The following FLACC1 variants were observed in gnomAD, a reference collection of about 807,000 sequenced individuals.
FLACC1 encodes the protein flagellum associated containing coiled-coil domains 1.
In FLACC1, 66 loss-of-function variants were observed where a neutral mutation model predicts 62.8. The observed-to-expected ratio is 1.05, with a 90% confidence interval of 0.86 to 1.29. The LOEUF (loss-of-function observed/expected upper bound fraction) is 1.29. FLACC1 is among the 50% of genes most tolerant of loss of function. The pLI is 0.00. For synonymous variants in FLACC1, 156 were observed against 161.0 expected, an observed-to-expected ratio of 0.97 and a Z score of 0.24; for missense variants, 452 against 489.1, an observed-to-expected ratio of 0.92 and a Z score of 0.71.
intron 9 of FLACC1, among the ~76,000 whole-genome samples, chr2:201,325,684 G>C (rs1950488110): frequency 6.6e-6 from 1 of 152,084 alleles, no homozygotes; most frequent in Non-Finnish European, 1.5e-5. Context: ...TTTCAAAATT[G>C]CCAAGAACAA....
intron 11 of FLACC1, among the ~76,000 whole-genome samples, chr2:201,303,385 A>C (rs560170900): frequency 3.8e-4 from 58 of 152,358 alleles, no homozygotes; most frequent in African/African-American, 1.3e-3. Flanking sequence ...ACCAGGAAGA[A>C]GTTGAATCCG....
At chr2:201,350,052 T>C (rs1452439713) in intron 3 of FLACC1, among the ~76,000 whole-genome samples, 7 of 152,182 alleles carry the variant, frequency 4.6e-5, no homozygotes, top group Non-Finnish European at 1.0e-4. Flanking sequence ...GGGAGATTAT[T>C]TTATTCACAT....
chr2:201,309,869 T>C (rs1385188940), intron 9 of FLACC1, among the ~76,000 whole-genome samples: 1 of 121,746 alleles, frequency 8.2e-6, no homozygotes, highest in Non-Finnish European at 1.6e-5. Flanking sequence ...ATCACGCCAC[T>C]GCACTCCAGC....
In FLACC1 at chr2:201,346,506, G is replaced by C; in HGVS notation, c.368+36C>G. On this transcript the variant is annotated intron_variant, in intron 5 of 14. Transcript: ENST00000392257. The surrounding 1 kb of genome is among the most constrained non-coding windows in gnomAD (Gnocchi z 4.0). ...GGCCGGGCTGAGCTGGGTGGGAGTA[G>C]CCCCAAGCAGCTGCATGTTGCTGCA... 6.2e-7 allele frequency: 1 copy of C among 1,609,398 alleles called. No individual in the cohort carries two copies. The highest frequency in any genetic ancestry group is 8.5e-7 in the Non-Finnish European group (1 of 1,179,478).
chr2:201,298,554 A>G (rs902832445), intron 12 of FLACC1, among the ~76,000 whole-genome samples: 11 of 152,236 alleles, frequency 7.2e-5, no homozygotes, highest in Non-Finnish European at 1.5e-4. Flanking sequence ...CACTGGGTAT[A>G]TCTTCCTCCA....
chr2:201,348,389 C>T lies in FLACC1; in HGVS notation c.186-87G>A, dbSNP rs1950960710. On this transcript the variant is annotated intron_variant, in intron 3 of 14. Transcript: ENST00000392257. Reference sequence around the variant, plus strand: ...AGCTGAACCCTGAGGCCGCCACCATCTGACTTCTGCTCTCTGACCTGACCT... The same window carrying T: ...AGCTGAACCCTGAGGCCGCCACCATTTGACTTCTGCTCTCTGACCTGACCT... The T allele has an allele frequency of 5.9e-6, 8 of 1,360,466 alleles. No homozygotes were observed. The South Asian group carries it at 1.0e-4, about 17-fold the overall frequency. The allele number at this position is 1,360,466 out of a possible 1,614,324, so 84.3% of individuals were successfully genotyped here.
chr2:201,297,739 C>T (rs1949895664), intron 12 of FLACC1, among the ~76,000 whole-genome samples: 1 of 152,206 alleles, frequency 6.6e-6, no homozygotes. Flanking sequence ...TTTGCCTCTT[C>T]AGATTCTCCT....
intron 10 of FLACC1, 29 bp downstream of exon 10, chr2:201,309,122 A>G: frequency 1.9e-6 from 3 of 1,589,620 alleles, no homozygotes; most frequent in Non-Finnish European, 1.7e-6. Context: ...TGCACTTGTC[A>G]TCAAAAAAGC....
Position 201,354,897 on chromosome 2 carries a change from G to A in FLACC1, c.-48+2085C>T, listed in dbSNP as rs149991334. On this transcript the variant is annotated intron_variant, in intron 1 of 14. Transcript: ENST00000392257. ...ACACCTCCACTAAGCCTTGCAAAGT[G>A]GCTTGTCCACAACGGGCATTTGATG... Among the ~76,000 whole-genome samples, 321 of 152,208 alleles carry A rather than the reference G, an allele frequency of 2.1e-3. 2 individuals carry two copies. Among genetic ancestry groups the A allele is most frequent in the African/African-American group, 7.3e-3 (303 of 41,526 alleles).
intron 9 of FLACC1, among the ~76,000 whole-genome samples, chr2:201,316,594 A>T (rs965515178): frequency 5.9e-5 from 9 of 152,156 alleles, no homozygotes; most frequent in Non-Finnish European, 8.8e-5. Context: ...AAAGTCCAGG[A>T]CTAGATGGAT....
chr2:201,344,528 G>A (rs535346904), intron 5 of FLACC1, among the ~76,000 whole-genome samples: 1 of 152,270 alleles, frequency 6.6e-6, no homozygotes, highest in African/African-American at 2.4e-5. Context: ...GTGCCCTACC[G>A]AATAGAAGGA....
intron 8 of FLACC1, 48 bp from the exon 9 acceptor site, chr2:201,330,570 A>G (rs745986289): frequency 3.1e-6 from 5 of 1,593,920 alleles, no homozygotes; most frequent in Non-Finnish European, 4.3e-6. Flanking sequence ...TCTGATATGC[A>G]CATTTTCAAA....
At chr2:201,320,266 G>A (rs1056206896) in intron 9 of FLACC1, among the ~76,000 whole-genome samples, 6 of 152,258 alleles carry the variant, frequency 3.9e-5, no homozygotes, top group African/African-American at 7.2e-5. Flanking sequence ...CCTTAGGTGC[G>A]GATGAACTCC....
At chr2:201,349,253 C>T (rs982333430) in intron 3 of FLACC1, among the ~76,000 whole-genome samples, 2 of 152,214 alleles carry the variant, frequency 1.3e-5, no homozygotes, top group Non-Finnish European at 2.9e-5. Context: ...AGAGGTCAGA[C>T]ATGCCAAGCA....
At chr2:201,354,990 C>CA (rs1319209444) in intron 1 of FLACC1, among the ~76,000 whole-genome samples, 1 of 152,088 alleles carries the variant, frequency 6.6e-6, no homozygotes, top group Non-Finnish European at 1.5e-5. Flanking sequence ...GGGGCTAGCT[C>CA]AACAAAGAGA....
At chr2:201,310,398 G>C (rs1421212459) in intron 9 of FLACC1, among the ~76,000 whole-genome samples, 1 of 152,138 alleles carries the variant, frequency 6.6e-6, no homozygotes, top group African/African-American at 2.4e-5. Flanking sequence ...CTGACACTTA[G>C]GGGTTTCCTG....
chr2:201,295,187 A>C (rs1196250636), intron 12 of FLACC1, among the ~76,000 whole-genome samples: 3 of 152,178 alleles, frequency 2.0e-5, no homozygotes, highest in Non-Finnish European at 4.4e-5. Flanking sequence ...GGAACCAAAA[A>C]AGAGCCCGCA....
chr2:201,294,312 G>C (rs1178186813), intron 12 of FLACC1, among the ~76,000 whole-genome samples: 1 of 152,124 alleles, frequency 6.6e-6, no homozygotes, highest in Admixed American at 6.5e-5. Context: ...ACATCAAAAA[G>C]CTTATCCACC....
At chr2:201,318,222 T>A (rs1321875356) in intron 9 of FLACC1, among the ~76,000 whole-genome samples, 2 of 151,974 alleles carry the variant, frequency 1.3e-5, no homozygotes, top group Non-Finnish European at 2.9e-5. Flanking sequence ...AAAGCAAATG[T>A]AATAAAAACA....
Sources: allele counts gnomAD v4.1 joint callset (sites outside exome capture counted in the v4.1 genomes callset), GRCh38; gene constraint gnomAD v4.1.1; non-coding constraint Gnocchi (gnomAD v3.1); transcripts MANE v1.5; gene names NCBI Gene and HGNC (gene_info 2026-07-23, HGNC 2026-07-21).